MAML3: variants seen among roughly 807,000 people sequenced by gnomAD.
The protein encoded by MAML3 is mastermind-like protein 3.
A neutral mutation model predicts 101.9 loss-of-function variants in MAML3; 27 were observed. The ratio of observed to expected loss-of-function variants is 0.27; its 90% CI spans 0.20 to 0.37. The LOEUF (loss-of-function observed/expected upper bound fraction) is 0.37, where lower values mean the gene tolerates loss of function less well. MAML3 is among the 10% of genes least tolerant of loss of function. The pLI is 1.00. For missense variants in MAML3, 1,316 were observed against 1,444.9 expected, an observed-to-expected ratio of 0.91 and a Z score of 1.45; for synonymous variants, 501 against 555.9, an observed-to-expected ratio of 0.90 and a Z score of 1.39.
chr4:139,780,593 G>A (rs1730180851), intron 2 of MAML3, among the ~76,000 whole-genome samples: 1 of 150,644 alleles, frequency 6.6e-6, no homozygotes, highest in South Asian at 2.1e-4. Flanking sequence ...ATGTGGCTGT[G>A]CATGGGTCGC....
intron 2 of MAML3, among the ~76,000 whole-genome samples, chr4:139,754,499 T>C (rs1729602747): frequency 6.6e-6 from 1 of 152,246 alleles, no homozygotes; most frequent in African/African-American, 2.4e-5. Flanking sequence ...CAATTGCCTA[T>C]TGTTGGACAT....
At chr4:139,994,449 G>A (rs1033432630) in intron 1 of MAML3, among the ~76,000 whole-genome samples, 1 of 152,190 alleles carries the variant, frequency 6.6e-6, no homozygotes, top group Non-Finnish European at 1.5e-5. Flanking sequence ...AGGATTGCTT[G>A]AGGCCAGGAG....
chr4:139,776,642 G>A (rs1362745326), intron 2 of MAML3, among the ~76,000 whole-genome samples: 4 of 152,128 alleles, frequency 2.6e-5, no homozygotes, highest in Admixed American at 6.5e-5. Context: ...AAGCAGATAC[G>A]CGCAAAATGG....
chr4:139,870,761 C>T (rs1261884948), intron 2 of MAML3, among the ~76,000 whole-genome samples: 1 of 152,198 alleles, frequency 6.6e-6, no homozygotes. Context: ...TCCACCTCAG[C>T]CTCCTAAGTA....
intron 2 of MAML3, among the ~76,000 whole-genome samples, chr4:139,883,718 G>A (rs781075757): frequency 5.9e-5 from 9 of 152,002 alleles, no homozygotes; most frequent in Non-Finnish European, 1.2e-4. Context: ...TAAGAGTGGC[G>A]TGGGTGAGGC....
intron 2 of MAML3, among the ~76,000 whole-genome samples, chr4:139,816,613 T>C (rs1730897311): frequency 6.6e-6 from 1 of 152,050 alleles, no homozygotes; most frequent in Non-Finnish European, 1.5e-5. Flanking sequence ...CTCAGCCCTG[T>C]CTCCCTGAGA....
At chr4:139,823,482 T>A (rs1024191500) in intron 2 of MAML3, among the ~76,000 whole-genome samples, 9 of 152,180 alleles carry the variant, frequency 5.9e-5, no homozygotes, top group Non-Finnish European at 1.3e-4. Flanking sequence ...ACTTCTCTTG[T>A]GGGTCTGCAG....
intron 1 of MAML3, among the ~76,000 whole-genome samples, chr4:140,044,277 G>T (rs1041732601): frequency 2.0e-5 from 3 of 152,130 alleles, no homozygotes; most frequent in Admixed American, 6.5e-5. Flanking sequence ...GGGCTTAAAG[G>T]GTGGAGTGGA....
intron 2 of MAML3, among the ~76,000 whole-genome samples, chr4:139,887,775 C>T (rs1732372503): frequency 6.6e-6 from 1 of 152,346 alleles, no homozygotes; most frequent in East Asian, 1.9e-4. Context: ...ACAGACCATT[C>T]TGACAGCTTG....
rs1452219114 is a variant in MAML3, at chr4:139,735,376, G to A, written c.2080-4709C>T. 6.6e-6 allele frequency among the ~76,000 whole-genome samples: 1 copy of A among 152,108 alleles called. No individual in the cohort carries two copies. Among genetic ancestry groups the A allele is most frequent in the Admixed American group, 6.5e-5 (1 of 15,282 alleles). On this transcript the variant is annotated intron_variant, in intron 2 of 4. Coordinates refer to ENST00000509479, the MANE Select transcript of MAML3 (RefSeq NM_018717.5). This position sits in a 1 kb window ranked among gnomAD's most constrained non-coding sequence, Gnocchi z 5.8. ...TTACCGACTTTTCTTCCAGCCGGAG[G>A]GGAGGAAGAATTCAAGTGGGGGAGG... is the stretch of plus-strand genomic sequence containing the variant.
At chr4:139,821,630 A>C (rs935380727) in intron 2 of MAML3, among the ~76,000 whole-genome samples, 3 of 152,198 alleles carry the variant, frequency 2.0e-5, no homozygotes, top group African/African-American at 7.2e-5. Flanking sequence ...ACTCCACCTG[A>C]AGAACAGAAG....
intron 1 of MAML3, among the ~76,000 whole-genome samples, chr4:140,083,955 CACACACACACACAGAGAGAGAGAG>C (rs1350215666): frequency 7.4e-5 from 2 of 26,860 alleles, no homozygotes; most frequent in African/African-American, 1.2e-4. Context: ...CACACACACA[CACACACACACACAGAGAGAGAGAG>C]AGAGAGAGAG....
At chr4:139,777,692 C>T (rs916224990) in intron 2 of MAML3, among the ~76,000 whole-genome samples, 17 of 152,156 alleles carry the variant, frequency 1.1e-4, no homozygotes, top group Non-Finnish European at 1.5e-4. Context: ...GTGCCCAGCC[C>T]GGGTGCTTTT....
At chr4:139,738,845 C>T (rs1290042072) in intron 2 of MAML3, among the ~76,000 whole-genome samples, 1 of 152,134 alleles carries the variant, frequency 6.6e-6, no homozygotes, top group East Asian at 1.9e-4. Context: ...CTAGTTTTAT[C>T]CCAGATGCAA....
At chr4:139,885,181 G>A (rs748988652) in intron 2 of MAML3, among the ~76,000 whole-genome samples, 21 of 151,844 alleles carry the variant, frequency 1.4e-4, no homozygotes, top group Non-Finnish European at 2.6e-4. Flanking sequence ...CAGGAAGATC[G>A]CTTCAGTTCA....
At chr4:140,011,705 T>G (rs1430969040) in intron 1 of MAML3, among the ~76,000 whole-genome samples, 1 of 152,180 alleles carries the variant, frequency 6.6e-6, no homozygotes, top group Admixed American at 6.6e-5. Flanking sequence ...CTTAATGATT[T>G]TTACTATTGC....
In MAML3 at chr4:140,041,291, C is replaced by A. The variant is rs1026105271; in HGVS notation, c.468+111569G>T. ...GCTAGCTCAGACTTCATGGAGTAGG[C>A]CAGAGATAGGAAGGAAAAGAAGGAA... On this transcript the variant is annotated intron_variant, in intron 1 of 4. Coordinates refer to ENST00000509479, the MANE Select transcript of MAML3 (RefSeq NM_018717.5). Among the ~76,000 whole-genome samples, 11 of 151,758 alleles carry A rather than the reference C, an allele frequency of 7.2e-5. 2 individuals carry two copies. The highest frequency in any genetic ancestry group is 6.6e-4 in the Admixed American group (10 of 15,240).
chr4:140,045,486 T>G (rs1357016247), intron 1 of MAML3, among the ~76,000 whole-genome samples: 2 of 152,124 alleles, frequency 1.3e-5, no homozygotes, highest in Non-Finnish European at 2.9e-5. Flanking sequence ...ATCAATGTAT[T>G]GGGACTTTTT....
At chr4:140,044,178 C>T (rs915870873) in intron 1 of MAML3, among the ~76,000 whole-genome samples, 2 of 151,198 alleles carry the variant, frequency 1.3e-5, no homozygotes, top group African/African-American at 4.9e-5. Context: ...GGGCTATGGG[C>T]CCGAGACGTT....
Sources: gnomAD v4.1 joint callset for allele counts (sites outside exome capture counted in the v4.1 genomes callset) on GRCh38, gnomAD v4.1.1 for gene constraint, Gnocchi (gnomAD v3.1) non-coding constraint, MANE v1.5 for transcripts, NCBI Gene and HGNC (gene_info 2026-07-23, HGNC 2026-07-21) for gene names.